Variants in NRXN1 observed in about 807,000 individuals in gnomAD.
NRXN1 encodes neurexin-1.
In NRXN1, 39 loss-of-function variants were observed where a neutral mutation model predicts 150.9. That is an observed-to-expected ratio of 0.26 (90% CI 0.20 to 0.34). NRXN1 has a LOEUF of 0.34. Among genes scored for constraint, NRXN1 ranks in the 10% least tolerant of loss-of-function variants. NRXN1 has a pLI of 1.00. For synonymous variants in NRXN1, 924 were observed against 757.0 expected (o/e 1.22, Z -3.62); for missense variants, 1,815 against 1,949.9 (o/e 0.93, Z 1.30).
At chr2:49,924,918 A>G (rs1296208921) in intron 22 of NRXN1, among the ~76,000 whole-genome samples, 1 of 152,138 alleles carries the variant, frequency 6.6e-6, no homozygotes, top group Non-Finnish European at 1.5e-5. Context: ...TAACTGATTA[A>G]TTAATATTCT....
At chr2:50,418,919 A>G (rs2083757586) in intron 17 of NRXN1, among the ~76,000 whole-genome samples, 1 of 152,054 alleles carries the variant, frequency 6.6e-6, no homozygotes, top group South Asian at 2.1e-4. Context: ...TTAAGTTACA[A>G]AAATCTTTTT....
intron 18 of NRXN1, among the ~76,000 whole-genome samples, chr2:50,167,726 T>C (rs1460425704): frequency 6.6e-6 from 1 of 152,228 alleles, no homozygotes; most frequent in African/African-American, 2.4e-5. Context: ...TAGGGACCTT[T>C]AACAAATTTT....
Position 49,921,824 on chromosome 2 carries a change from G to A in NRXN1, c.*120C>T, listed in dbSNP as rs189289293. 4.4e-4 allele frequency: 430 copies of A among 985,246 alleles called. 9 individuals are homozygous for A. The Admixed American group carries it at 0.011, about 26-fold the overall frequency. The allele number at this position is 985,246 out of a possible 1,614,324, so 61.0% of individuals were successfully genotyped here. On this transcript the variant is annotated 3_prime_UTR_variant, in exon 23 of 23. Transcript: ENST00000401669. ...ATTTTTTAAAAAGTCTTTCCTTCCT[G>A]ATTGCATTCCCTGTCTTCTTTTGTA...
intron 5 of NRXN1, among the ~76,000 whole-genome samples, chr2:50,894,452 T>C (rs1681606497): frequency 1.3e-5 from 2 of 151,840 alleles, no homozygotes; most frequent in South Asian, 2.1e-4. Context: ...TCAAGATTTG[T>C]CCTGATTATT....
chr2:50,574,314 A>G (rs1440914165), intron 8 of NRXN1, among the ~76,000 whole-genome samples: 1 of 152,160 alleles, frequency 6.6e-6, no homozygotes, highest in East Asian at 1.9e-4. Context: ...GATGTCGCTA[A>G]AAATTGGCTG....
chr2:50,592,301 C>T (rs1183293612), intron 8 of NRXN1, among the ~76,000 whole-genome samples: 1 of 152,156 alleles, frequency 6.6e-6, no homozygotes, highest in Non-Finnish European at 1.5e-5. Flanking sequence ...TGGCAAGGGC[C>T]AGGGCAAATG....
At chr2:50,384,516 A>ATAAAT (rs1558640722) in intron 17 of NRXN1, among the ~76,000 whole-genome samples, 1 of 116,360 alleles carries the variant, frequency 8.6e-6, no homozygotes, top group Non-Finnish European at 2.0e-5. Flanking sequence ...AAAAAAAAAA[A>ATAAAT]AAAAAAAAAA....
intron 5 of NRXN1, among the ~76,000 whole-genome samples, chr2:50,736,964 A>G (rs928263170): frequency 6.6e-6 from 1 of 152,154 alleles, no homozygotes; most frequent in Non-Finnish European, 1.5e-5. Flanking sequence ...TGAATTAAGA[A>G]TGATAAAAGT....
rs1230095218 is a variant in NRXN1 at position 50,107,539 on chromosome 2, A to AT, written c.3547-16046dup. ...AGACTACATATATATATATATATAT[A>AT]TTTTTTTTTTTTACCCAAGTACTAC... On this transcript the variant is annotated intron_variant, in intron 18 of 22. Coordinates refer to ENST00000401669, the MANE Select transcript of NRXN1 (RefSeq NM_001330078.2). 1.5e-3 allele frequency among the ~76,000 whole-genome samples: 194 copies of AT among 129,868 alleles called. 2 individuals carry two copies. The highest frequency in any genetic ancestry group is 3.1e-3 in the Admixed American group (38 of 12,278). The allele number at this position is 129,868 out of a possible 152,430, so 85.2% of individuals were successfully genotyped here.
At chr2:50,055,899 C>A (rs17039734) in intron 19 of NRXN1, among the ~76,000 whole-genome samples, 5,477 of 152,210 alleles carry the variant, frequency 0.036, 338 homozygotes, top group African/African-American at 0.12. Context: ...ATAGATCTAA[C>A]CTAAGTGAGA....
chr2:50,072,806 G>C (rs1289654714), intron 19 of NRXN1, among the ~76,000 whole-genome samples: 1 of 152,078 alleles, frequency 6.6e-6, no homozygotes, highest in Non-Finnish European at 1.5e-5. Flanking sequence ...AAAATGCCTA[G>C]GCACAGTGAA....
Position 50,699,681 on chromosome 2 carries a change from G to C in NRXN1, c.833-76066C>G, listed in dbSNP as rs190830261. ...TTTAGTCAAAAAACCCGAATGGCTT[G>C]AAGCAGACTTAGCCTCAGAACTTCC... On this transcript the variant is annotated intron_variant, in intron 5 of 22. Coordinates refer to ENST00000401669, the MANE Select transcript of NRXN1 (RefSeq NM_001330078.2). Among the ~76,000 whole-genome samples the C allele has an allele frequency of 3.3e-5, 5 of 152,202 alleles. No homozygotes were observed. The East Asian group carries it at 9.7e-4, about 30-fold the overall frequency.
At chr2:50,372,180 A>G (rs1008407241) in intron 17 of NRXN1, among the ~76,000 whole-genome samples, 1 of 152,080 alleles carries the variant, frequency 6.6e-6, no homozygotes, top group South Asian at 2.1e-4. Flanking sequence ...GCTGGAAGAA[A>G]CACATTTCAG....
At chr2:50,393,743 T>C (rs1267168294) in intron 17 of NRXN1, among the ~76,000 whole-genome samples, 1 of 152,122 alleles carries the variant, frequency 6.6e-6, no homozygotes, top group Non-Finnish European at 1.5e-5. Context: ...CAGGACTTTC[T>C]CCCTACATGA....
chr2:50,391,789 G>C (rs1484509453), intron 17 of NRXN1, among the ~76,000 whole-genome samples: 1 of 152,082 alleles, frequency 6.6e-6, no homozygotes, highest in Non-Finnish European at 1.5e-5. Flanking sequence ...TGCAACAAAT[G>C]GCTTAGGGAT....
intron 18 of NRXN1, among the ~76,000 whole-genome samples, chr2:50,186,575 A>G (rs2061086583): frequency 6.6e-6 from 1 of 152,040 alleles, no homozygotes; most frequent in African/African-American, 2.4e-5. Context: ...AAATGTCTCA[A>G]CGAATTTAAA....
At chr2:50,330,218 G>A (rs1264223396) in intron 17 of NRXN1, among the ~76,000 whole-genome samples, 2 of 151,800 alleles carry the variant, frequency 1.3e-5, no homozygotes, top group Admixed American at 6.6e-5. Flanking sequence ...CTACTAAAAG[G>A]AATATACCAA....
At chr2:50,640,245 G>A (rs1465281394) in intron 5 of NRXN1, among the ~76,000 whole-genome samples, 1 of 152,092 alleles carries the variant, frequency 6.6e-6, no homozygotes, top group African/African-American at 2.4e-5. Flanking sequence ...CTAATATGTG[G>A]AAATGGTAAA....
At chr2:50,399,039 T>C (rs1229386904) in intron 17 of NRXN1, among the ~76,000 whole-genome samples, 1 of 152,104 alleles carries the variant, frequency 6.6e-6, no homozygotes. Context: ...TGATTGGAGG[T>C]CATAATGGAT....
Sources: allele counts gnomAD v4.1 joint callset (sites outside exome capture counted in the v4.1 genomes callset), GRCh38; gene constraint gnomAD v4.1.1; transcripts MANE v1.5; gene names NCBI Gene and HGNC (gene_info 2026-07-23, HGNC 2026-07-21).